Variants in GMDS observed in about 807,000 individuals in gnomAD.
GMDS encodes GDP-mannose 4,6-dehydratase, also known as GDP-mannose 4,6 dehydratase.
GMDS carries 20 observed loss-of-function variants against 49.9 expected under a neutral mutation model. That is an observed-to-expected ratio of 0.40 (90% CI 0.28 to 0.58). The LOEUF is 0.58. Ranked by LOEUF, GMDS falls within the 20% of genes least tolerant of loss-of-function variation. The pLI, the probability that GMDS is intolerant of heterozygous loss-of-function variation, is 0.42. For synonymous variants in GMDS, 177 were observed against 178.6 expected, an observed-to-expected ratio of 0.99 and a Z score of 0.07; for missense variants, 362 against 481.4, an observed-to-expected ratio of 0.75 and a Z score of 2.32.
Position 1,734,343 on chromosome 6 carries a change from C to T in GMDS, c.891-7831G>A, listed in dbSNP as rs28472410. On this transcript the variant is annotated intron_variant, in intron 8 of 10. Transcript: ENST00000380815. The stretch of plus-strand genomic sequence containing the variant: ...AGAAGGCACTTCTTAAGATTAACGC[C>T]TACATCTATTCTGTGATTTCTCTAT... Among the ~76,000 whole-genome samples, 728 of 152,334 alleles carry T rather than the reference C, an allele frequency of 4.8e-3. 3 individuals are homozygous for T. The highest frequency in any genetic ancestry group is 0.021 in the South Asian group (100 of 4,810).
At chr6:1,996,271 A>G (rs1300140140) in intron 4 of GMDS, among the ~76,000 whole-genome samples, 1 of 152,032 alleles carries the variant, frequency 6.6e-6, no homozygotes, top group African/African-American at 2.4e-5. Flanking sequence ...ACCACAGCTT[A>G]CAGTGTCCAG....
intron 4 of GMDS, among the ~76,000 whole-genome samples, chr6:2,044,039 G>A (rs1258009149): frequency 1.3e-5 from 2 of 152,126 alleles, no homozygotes; most frequent in African/African-American, 4.8e-5. Context: ...CAGTCAGAAT[G>A]GCTATTATTA....
chr6:2,172,301 C>A (rs780722982), intron 1 of GMDS, among the ~76,000 whole-genome samples: 29 of 152,036 alleles, frequency 1.9e-4, no homozygotes, highest in Admixed American at 6.6e-5. Context: ...GAACACAAGA[C>A]AAAATAGAAT....
At chr6:1,756,461 AG>A (rs1242632830) in intron 7 of GMDS, among the ~76,000 whole-genome samples, 60 of 152,248 alleles carry the variant, frequency 3.9e-4, no homozygotes, top group African/African-American at 1.4e-3. Context: ...TAGTGGAGAG[AG>A]GGTTTCACCA....
intron 1 of GMDS, among the ~76,000 whole-genome samples, chr6:2,125,291 A>G (rs1775358272): frequency 6.6e-6 from 1 of 152,140 alleles, no homozygotes; most frequent in Admixed American, 6.5e-5. Context: ...AAAACAAAAC[A>G]AAACAAAACA....
chr6:1,957,600 A>G (rs2127292294), intron 6 of GMDS, among the ~76,000 whole-genome samples: 1 of 152,326 alleles, frequency 6.6e-6, no homozygotes, highest in Middle Eastern at 3.4e-3. Flanking sequence ...TCAAGTTCCT[A>G]AAGAGATTTA....
intron 1 of GMDS, among the ~76,000 whole-genome samples, chr6:2,195,345 C>CA (rs201627347): frequency 0.052 from 6,766 of 130,956 alleles, 274 homozygotes; most frequent in South Asian, 0.15. Flanking sequence ...GCTATCAGGC[C>CA]AAAAAAAAAA....
At chr6:1,922,064 G>C (rs986786443) in intron 7 of GMDS, among the ~76,000 whole-genome samples, 2 of 152,200 alleles carry the variant, frequency 1.3e-5, no homozygotes, top group Admixed American at 1.3e-4. Context: ...ACAGTGAGTA[G>C]AAATTCAATT....
At chr6:2,223,654 T>C (rs186310118) in intron 1 of GMDS, among the ~76,000 whole-genome samples, 6 of 152,134 alleles carry the variant, frequency 3.9e-5, no homozygotes, top group South Asian at 2.1e-4. Context: ...AGGAGGACGA[T>C]AGGATGACTC....
intron 4 of GMDS, among the ~76,000 whole-genome samples, chr6:1,980,540 A>C: frequency 6.6e-6 from 1 of 152,212 alleles, no homozygotes. Flanking sequence ...AGCACTGCCA[A>C]GTTCATAAAG....
chr6:1,851,927 G>A (rs1757692171), intron 7 of GMDS, among the ~76,000 whole-genome samples: 1 of 152,116 alleles, frequency 6.6e-6, no homozygotes. Context: ...GTCACCACCT[G>A]GGCAGCTTCT....
At chr6:2,155,959 C>A (rs1414030075) in intron 1 of GMDS, among the ~76,000 whole-genome samples, 1 of 151,842 alleles carries the variant, frequency 6.6e-6, no homozygotes, top group East Asian at 1.9e-4. Context: ...AAGAAATAAA[C>A]CCACAACAAA....
At chr6:1,924,207 T>C (rs1250374319) in intron 7 of GMDS, among the ~76,000 whole-genome samples, 16 of 152,246 alleles carry the variant, frequency 1.1e-4, no homozygotes. Flanking sequence ...TACGTTTATT[T>C]CTAAAAGTAG....
chr6:1,628,803 G>A (rs1033820591), intron 9 of GMDS, among the ~76,000 whole-genome samples: 1 of 152,214 alleles, frequency 6.6e-6, no homozygotes, highest in African/African-American at 2.4e-5. Context: ...AAGCCTTGGC[G>A]AAATATCTTC....
intron 7 of GMDS, among the ~76,000 whole-genome samples, chr6:1,923,092 G>GAGGCC (rs1241148341): frequency 5.3e-5 from 8 of 152,134 alleles, no homozygotes; most frequent in African/African-American, 1.9e-4. Flanking sequence ...CTTCCACCAT[G>GAGGCC]ACTGTGAGGC....
At position 2,152,505 on chromosome 6, in the gene GMDS, T is replaced by C. The variant is rs191367534; in HGVS notation, c.103-27774A>G. On this transcript the variant is annotated intron_variant, in intron 1 of 10. Transcript: ENST00000380815. ...ATGCTGGGAGGAAATATCCTATTTA[T>C]ACTAGCAACAAATTTGAACACTTAA... 3.9e-5 allele frequency among the ~76,000 whole-genome samples: 6 copies of C among 152,244 alleles called. No homozygotes were observed. In the East Asian group the frequency reaches 9.6e-4, roughly 24 times the overall value.
rs114918289 is a variant in GMDS at position 2,136,155 on chromosome 6, A to G, written c.103-11424T>C. ...GTATCTTATGGGACTACCATTGTGT[A>G]TGGTCCCTTGCTGACCCACATGTCA... On this transcript the variant is annotated intron_variant, in intron 1 of 10. Transcript: ENST00000380815. 5.7e-3 allele frequency among the ~76,000 whole-genome samples: 865 copies of G among 152,308 alleles called. 2 individuals are homozygous for G. The highest frequency in any genetic ancestry group is 0.017 in the Middle Eastern group (5 of 294).
chr6:1,754,617 T>C (rs182478088), intron 7 of GMDS, among the ~76,000 whole-genome samples: 9 of 152,180 alleles, frequency 5.9e-5, no homozygotes, highest in African/African-American at 2.2e-4. Flanking sequence ...AACATCGATG[T>C]GAAAATCCTC....
intron 4 of GMDS, among the ~76,000 whole-genome samples, chr6:2,066,184 A>G (rs558988284): frequency 6.7e-6 from 1 of 148,644 alleles, no homozygotes; most frequent in African/African-American, 2.4e-5. Flanking sequence ...TCATAAGTGA[A>G]GGAGAAATAA....
Sources: allele counts gnomAD v4.1 joint callset (sites outside exome capture counted in the v4.1 genomes callset), GRCh38; gene constraint gnomAD v4.1.1; transcripts MANE v1.5; gene names NCBI Gene and HGNC (gene_info 2026-07-23, HGNC 2026-07-21).